The following ARB2A variants were observed in gnomAD, a reference collection of about 807,000 sequenced individuals.
ARB2A encodes cotranscriptional regulator ARB2A.
At chr5:93,962,157 A>G in the ARB2A span, among the ~76,000 whole-genome samples, 14 of 152,212 alleles carry the variant, frequency 9.2e-5, no homozygotes, top group Admixed American at 8.5e-4. Flanking sequence ...TGGTCATTCC[A>G]GCGAACCACC....
At chr5:93,731,931 T>C in the ARB2A span, among the ~76,000 whole-genome samples, 2 of 152,210 alleles carry the variant, frequency 1.3e-5, no homozygotes, top group Admixed American at 6.5e-5. Flanking sequence ...TAGCAGAAAG[T>C]GAAGCTAGTT....
At chr5:93,648,565 G>T in the ARB2A span, among the ~76,000 whole-genome samples, 18 of 152,180 alleles carry the variant, frequency 1.2e-4, no homozygotes, top group Admixed American at 2.0e-4. Flanking sequence ...TAGTAAAAGA[G>T]TTGATGGAGA....
At chr5:93,886,845 C>T in the ARB2A span, among the ~76,000 whole-genome samples, 1 of 151,822 alleles carries the variant, frequency 6.6e-6, no homozygotes, top group South Asian at 2.1e-4. Context: ...AAAATGTTCT[C>T]ATAACCATAC....
the ARB2A span, among the ~76,000 whole-genome samples, chr5:94,092,549 C>T: frequency 2.6e-5 from 4 of 152,238 alleles, no homozygotes; most frequent in East Asian, 7.7e-4. Context: ...TTCTGTTATA[C>T]ATTTTCTTGA....
the ARB2A span, chr5:93,959,046 C>T: frequency 3.2e-6 from 3 of 934,322 alleles, no homozygotes; most frequent in Non-Finnish European, 4.5e-6. Context: ...CAACTAATGG[C>T]TGTTACAAAG....
At chr5:94,080,901 C>A in the ARB2A span, among the ~76,000 whole-genome samples, 1 of 152,104 alleles carries the variant, frequency 6.6e-6, no homozygotes. Flanking sequence ...TAAGCTATAA[C>A]AATGTCCTTT....
the ARB2A span, chr5:93,739,063 G>A: frequency 6.6e-6 from 1 of 152,088 alleles, no homozygotes; most frequent in South Asian, 2.1e-4. Flanking sequence ...CTGGACTTGA[G>A]GTCAGAAGAT....
chr5:93,684,881 C>A, the ARB2A span, among the ~76,000 whole-genome samples: 1 of 152,172 alleles, frequency 6.6e-6, no homozygotes, highest in Non-Finnish European at 1.5e-5. Flanking sequence ...TATTTAACTA[C>A]TTTATCTTAA....
the ARB2A span, among the ~76,000 whole-genome samples, chr5:94,018,142 G>A: frequency 6.6e-6 from 1 of 152,092 alleles, no homozygotes; most frequent in Non-Finnish European, 1.5e-5. Flanking sequence ...TATCAGTGGT[G>A]TAAAAATGAA....
chr5:93,951,572 G>A, the ARB2A span, among the ~76,000 whole-genome samples: 1 of 152,108 alleles, frequency 6.6e-6, no homozygotes, highest in Non-Finnish European at 1.5e-5. Context: ...ACAATTTATT[G>A]ACAGACTTTC....
the ARB2A span, among the ~76,000 whole-genome samples, chr5:93,915,588 G>T: frequency 2.0e-5 from 3 of 151,932 alleles, no homozygotes. Context: ...CATGGATCAT[G>T]AAGAAATGAA....
chr5:93,739,344 GAAGTA>G, the ARB2A span: 1 of 152,070 alleles, frequency 6.6e-6, no homozygotes, highest in Admixed American at 6.5e-5. Context: ...TAAGAAGAAT[GAAGTA>G]AAAATTAATT....
the ARB2A span, among the ~76,000 whole-genome samples, chr5:93,705,609 ATGTGTGTGTGTGTGTGTGTGTGTGTGTG>A: frequency 1.6e-5 from 2 of 128,742 alleles, no homozygotes; most frequent in Non-Finnish European, 3.4e-5. Flanking sequence ...TTGGGAAAAA[ATGTGTGTGTGTGTGTGTGTGTGTGTGTG>A]TGTGTGTGTG....
chr5:93,634,229 G>A, the ARB2A span, among the ~76,000 whole-genome samples: 5 of 151,692 alleles, frequency 3.3e-5, no homozygotes, highest in Admixed American at 6.6e-5. Flanking sequence ...CTGAAACCCC[G>A]TCTCTACTAA....
chr5:93,739,947 C>A, the ARB2A span: 1 of 142,572 alleles, frequency 7.0e-6, no homozygotes, highest in African/African-American at 2.7e-5. Context: ...GGGAGAGGAA[C>A]TGAGACCCTG....
At chr5:94,016,375 G>A in the ARB2A span, among the ~76,000 whole-genome samples, 1 of 152,192 alleles carries the variant, frequency 6.6e-6, no homozygotes, top group Admixed American at 6.5e-5. Context: ...GAATACTGTA[G>A]AATAGAGAAA....
chr5:93,996,189 ATG>A, the ARB2A span, among the ~76,000 whole-genome samples: 1 of 152,046 alleles, frequency 6.6e-6, no homozygotes, highest in Admixed American at 6.6e-5. Flanking sequence ...GCCCATATCT[ATG>A]TATGTCTACC....
chr5:93,965,167 C>G, the ARB2A span, among the ~76,000 whole-genome samples: 459 of 152,016 alleles, frequency 3.0e-3, 4 homozygotes, highest in African/African-American at 0.01. Flanking sequence ...TGATGTATGT[C>G]TTTAAAAGTA....
the ARB2A span, among the ~76,000 whole-genome samples, chr5:93,959,761 A>G: frequency 6.6e-6 from 1 of 152,174 alleles, no homozygotes; most frequent in Non-Finnish European, 1.5e-5. Context: ...TTTTGATTGT[A>G]CTTAATATTT....
Sources: gnomAD v4.1 joint callset for allele counts (sites outside exome capture counted in the v4.1 genomes callset) on GRCh38, gnomAD v4.1.1 for gene constraint, MANE v1.5 for transcripts, NCBI Gene and HGNC (gene_info 2026-07-23, HGNC 2026-07-21) for gene names.